Variants in GREB1 observed in about 807,000 individuals in gnomAD.
GREB1 encodes growth regulating estrogen receptor binding 1, also known as protein GREB1.
GREB1 carries 106 observed loss-of-function variants against 200.7 expected under a neutral mutation model. The ratio of observed to expected loss-of-function variants is 0.53; its 90% CI spans 0.45 to 0.62. The LOEUF is 0.62. Ranked by LOEUF, GREB1 falls within the 20% of genes least tolerant of loss-of-function variation. The pLI is 0.00. For missense variants in GREB1, 2,243 were observed against 2,556.8 expected, an observed-to-expected ratio of 0.88 and a Z score of 2.65; for synonymous variants, 1,132 against 1,092.4, an observed-to-expected ratio of 1.04 and a Z score of -0.72.
intron 3 of GREB1, among the ~76,000 whole-genome samples, chr2:11,564,124 A>G (rs1677376719): frequency 6.6e-6 from 1 of 152,150 alleles, no homozygotes; most frequent in African/African-American, 2.4e-5. Flanking sequence ...GCTCATTTGG[A>G]GGAACTACTA....
At chr2:11,589,093 G>A (rs1034946467) in intron 10 of GREB1, among the ~76,000 whole-genome samples, 162 bp downstream of exon 10, 25 of 152,172 alleles carry the variant, frequency 1.6e-4, no homozygotes, top group African/African-American at 5.3e-4. Context: ...CACTGTGGGC[G>A]TCCCCACACT....
At chr2:11,609,650 G>C (rs1051636637) in intron 17 of GREB1, among the ~76,000 whole-genome samples, 6 of 152,204 alleles carry the variant, frequency 3.9e-5, no homozygotes, top group Non-Finnish European at 8.8e-5. Flanking sequence ...TGCCAGGCCA[G>C]CTTCCAGCTT....
Position 11,641,779 on chromosome 2 carries a change from C to T in GREB1, c.*1325C>T. Reference sequence around the variant, plus strand: ...GGGATTACAGGCGTGAGCCACCGTGCCTGCCCCAGAATGGTTTTTAAAGCC... The same window carrying T: ...GGGATTACAGGCGTGAGCCACCGTGTCTGCCCCAGAATGGTTTTTAAAGCC... On this transcript the variant is annotated 3_prime_UTR_variant, in exon 33 of 33. Coordinates refer to ENST00000381486, the MANE Select transcript of GREB1 (RefSeq NM_014668.4). 1 of 152,590 alleles carries T rather than the reference C, an allele frequency of 6.6e-6. No individual in the cohort carries two copies. The highest frequency in any genetic ancestry group is 1.5e-5 in the Non-Finnish European group (1 of 68,250). The allele number at this position is 152,590 out of a possible 1,614,324, so 9.5% of individuals were successfully genotyped here.
Position 11,521,267 on chromosome 2 carries a change from A to G in GREB1, c.-158-35190A>G, listed in dbSNP as rs1325053341. ...TGGGACCACAGGCATGTGCCACCAT[A>G]CCAAGCTAATTTTTGTATTTTTAGT... On this transcript the variant is annotated intron_variant, in intron 1 of 2. Transcript: ENST00000628795. Among the ~76,000 whole-genome samples the G allele has an allele frequency of 2.0e-5, 3 of 152,084 alleles. No homozygotes were observed. In the South Asian group the frequency reaches 6.2e-4, roughly 32 times the overall value.
intron 1 of GREB1, among the ~76,000 whole-genome samples, chr2:11,525,002 C>G (rs1673825158): frequency 6.6e-6 from 1 of 152,194 alleles, no homozygotes; most frequent in African/African-American, 2.4e-5. Context: ...GCGGACTACA[C>G]TTGCTGCCTT....
At chr2:11,503,464 A>T (rs1673100620) in intron 1 of GREB1, among the ~76,000 whole-genome samples, 1 of 152,090 alleles carries the variant, frequency 6.6e-6, no homozygotes, top group South Asian at 2.1e-4. Context: ...TTATAATATT[A>T]TGACAAATGT....
chr2:11,599,958 G>A (rs917688294), intron 15 of GREB1, among the ~76,000 whole-genome samples: 2 of 152,218 alleles, frequency 1.3e-5, no homozygotes, highest in Non-Finnish European at 2.9e-5. Context: ...CCGTGAGACT[G>A]GCCTAGGGGT....
intron 1 of GREB1, among the ~76,000 whole-genome samples, chr2:11,534,684 T>C (rs1402005945): frequency 1.3e-5 from 2 of 152,050 alleles, no homozygotes; most frequent in Non-Finnish European, 2.9e-5. Flanking sequence ...GGAAACAGAG[T>C]GTGGCCCTCA....
At chr2:11,489,105 G>A (rs990891678) in intron 1 of GREB1, among the ~76,000 whole-genome samples, 1 of 152,214 alleles carries the variant, frequency 6.6e-6, no homozygotes, top group East Asian at 1.9e-4. Flanking sequence ...TGAAACTCTG[G>A]ATAGAATGCC....
In GREB1 at chr2:11,600,881, G is replaced by T; in HGVS notation, c.2415G>T (p.Lys805Asn). Reference sequence around the variant, plus strand: ...GATTGCTCAACTGCAGGGAGGTGAAGGAGGCCCCCAACATTGTGACACTTC... The same window carrying T: ...GATTGCTCAACTGCAGGGAGGTGAATGAGGCCCCCAACATTGTGACACTTC... ...VDRLLNCREV[K>N]EAPNIVTLHV... Residue 805 changes from lysine (K) to asparagine (N), a missense_variant, in exon 16 of 33, where the codon AAG becomes AAT. Lys to Asn is a moderately conservative substitution (Grantham distance 94). Coordinates refer to ENST00000381486, the MANE Select transcript of GREB1 (RefSeq NM_014668.4). 1 of 1,614,160 alleles carries T rather than the reference G, an allele frequency of 6.2e-7. No individual in the cohort carries two copies. The highest frequency in any genetic ancestry group is 1.1e-5 in the South Asian group (1 of 91,074).
intron 1 of GREB1, among the ~76,000 whole-genome samples, chr2:11,495,367 C>G (rs894848779): frequency 1.3e-5 from 2 of 152,060 alleles, no homozygotes; most frequent in African/African-American, 4.8e-5. Flanking sequence ...ATGAACCTGC[C>G]ATTTTTGTAG....
chr2:11,633,120 G>C lies in GREB1; in HGVS notation c.4991+57G>C. 6.4e-7 allele frequency: 1 copy of C among 1,558,234 alleles called. No individual in the cohort carries two copies. The highest frequency in any genetic ancestry group is 1.1e-5 in the South Asian group (1 of 89,394). On this transcript the variant is annotated intron_variant, in intron 28 of 32. Coordinates refer to ENST00000381486, the MANE Select transcript of GREB1 (RefSeq NM_014668.4). The surrounding 1 kb of genome is among the most constrained non-coding windows in gnomAD (Gnocchi z 4.1). Reference sequence around the variant, plus strand: ...ACCCTACGAATGATGACCAACGAGTGTGCCCTCTTTGTATGGGGAATGTGC... The same window carrying C: ...ACCCTACGAATGATGACCAACGAGTCTGCCCTCTTTGTATGGGGAATGTGC...
chr2:11,582,427 A>G (rs1679588561), intron 7 of GREB1, among the ~76,000 whole-genome samples: 2 of 152,212 alleles, frequency 1.3e-5, no homozygotes, highest in East Asian at 1.9e-4. Context: ...CCCCACCCCC[A>G]TGGCCCCATC....
chr2:11,623,930 G>A (rs1056505362), intron 23 of GREB1, among the ~76,000 whole-genome samples: 2 of 151,912 alleles, frequency 1.3e-5, no homozygotes, highest in African/African-American at 2.4e-5. Flanking sequence ...ACAAATAAAA[G>A]TAGAAAAATT....
chr2:11,577,586 C>A (rs1046892923), intron 5 of GREB1, among the ~76,000 whole-genome samples: 4 of 152,192 alleles, frequency 2.6e-5, no homozygotes, highest in Non-Finnish European at 5.9e-5. Context: ...TCCTCAGCGG[C>A]CTGCCATGGG....
In GREB1 at chr2:11,580,025, G is replaced by T. The variant is rs2148066085; in HGVS notation, c.773-679G>T. ...CCTCACAATCATGGCAAAAGGCAAA[G>T]GAGAAGCAAAGGCACGTCTTACATG... On this transcript the variant is annotated intron_variant, in intron 6 of 32. Transcript: ENST00000381486. The surrounding 1 kb of genome is among the most constrained non-coding windows in gnomAD (Gnocchi z 4.5). Among the ~76,000 whole-genome samples the T allele has an allele frequency of 6.6e-6, 1 of 152,332 alleles. No individual in the cohort carries two copies. Among genetic ancestry groups the T allele is most frequent in the African/African-American group, 2.4e-5 (1 of 41,582 alleles).
At chr2:11,484,518 G>A (rs1309822617) in intron 1 of GREB1, among the ~76,000 whole-genome samples, 2 of 148,878 alleles carry the variant, frequency 1.3e-5, no homozygotes, top group Non-Finnish European at 3.0e-5. Context: ...GGAGGCTAAG[G>A]CCAGAGGACT....
At chr2:11,624,706 C>T (rs1204361249) in intron 23 of GREB1, among the ~76,000 whole-genome samples, 1 of 152,204 alleles carries the variant, frequency 6.6e-6, no homozygotes, top group Non-Finnish European at 1.5e-5. Flanking sequence ...CAATAACTTG[C>T]TGTATATAGC....
intron 1 of GREB1, among the ~76,000 whole-genome samples, chr2:11,509,282 C>A (rs1179485149): frequency 6.6e-6 from 1 of 151,900 alleles, no homozygotes; most frequent in East Asian, 1.9e-4. Flanking sequence ...TAAACATACA[C>A]AAAAGAAAAA....
Sources: gnomAD v4.1 joint callset for allele counts (sites outside exome capture counted in the v4.1 genomes callset) on GRCh38, gnomAD v4.1.1 for gene constraint, Gnocchi (gnomAD v3.1) non-coding constraint, MANE v1.5 for transcripts, NCBI Gene and HGNC (gene_info 2026-07-23, HGNC 2026-07-21) for gene names.